ZFHX3: variants seen among roughly 807,000 people sequenced by gnomAD.
ZFHX3 encodes zinc finger homeobox protein 3.
Under a neutral mutation model 279.1 loss-of-function variants are expected in ZFHX3, and 42 were observed. That is an observed-to-expected ratio of 0.15 (90% CI 0.12 to 0.19). ZFHX3 has a LOEUF of 0.19. Ranked by LOEUF, ZFHX3 falls within the 10% of genes least tolerant of loss-of-function variation. The pLI is 1.00. For synonymous variants in ZFHX3, 2,293 were observed against 1,957.8 expected, an observed-to-expected ratio of 1.17 and a Z score of -4.52; for missense variants, 4,981 against 4,754.0, an observed-to-expected ratio of 1.05 and a Z score of -1.40.
chr16:73,768,905 C>G (rs2053985004), intron 1 of ZFHX3, among the ~76,000 whole-genome samples: 1 of 152,118 alleles, frequency 6.6e-6, no homozygotes, highest in South Asian at 2.1e-4. Flanking sequence ...AGAGTGAACC[C>G]ACATACCAGA....
At chr16:73,728,281 G>T (rs763455740) in intron 1 of ZFHX3, among the ~76,000 whole-genome samples, 1 of 152,108 alleles carries the variant, frequency 6.6e-6, no homozygotes, top group East Asian at 1.9e-4. Flanking sequence ...GCAAGCCAAG[G>T]AGAGGCCTCA....
intron 1 of ZFHX3, among the ~76,000 whole-genome samples, chr16:73,690,989 A>C (rs1419903955): frequency 6.6e-6 from 1 of 152,194 alleles, no homozygotes; most frequent in Non-Finnish European, 1.5e-5. Flanking sequence ...ACACAGACCA[A>C]TTTTTCCACC....
intron 4 of ZFHX3, among the ~76,000 whole-genome samples, chr16:73,263,694 A>G (rs1435883277): frequency 6.6e-5 from 10 of 152,238 alleles, no homozygotes; most frequent in Admixed American, 6.5e-4. Context: ...TACAGGACCC[A>G]GAGAGCTGCT....
intron 1 of ZFHX3, 99 bp from the exon 2 acceptor site, chr16:72,960,293 G>T: frequency 1.0e-6 from 1 of 986,216 alleles, no homozygotes; most frequent in Non-Finnish European, 1.4e-6. Context: ...ACCGCACGGA[G>T]CGCTCTAAGA....
At chr16:73,247,219 T>A (rs576896909) in intron 5 of ZFHX3, among the ~76,000 whole-genome samples, 2 of 152,000 alleles carry the variant, frequency 1.3e-5, no homozygotes, top group South Asian at 4.2e-4. Context: ...GTGTATAAAA[T>A]GTGTCTGTGT....
chr16:73,043,388 G>A (rs1325733610), intron 1 of ZFHX3, among the ~76,000 whole-genome samples: 1 of 152,166 alleles, frequency 6.6e-6, no homozygotes, highest in African/African-American at 2.4e-5. Context: ...CAAAACAGAA[G>A]TCTTGCTTCA....
At chr16:73,809,449 G>A (rs754926572) in intron 1 of ZFHX3, 1 of 152,230 alleles carries the variant, frequency 6.6e-6, no homozygotes, top group South Asian at 2.1e-4. Flanking sequence ...ACCTAGGTTA[G>A]AGCAGGTGGC....
chr16:73,293,639 T>C (rs2014829131), intron 4 of ZFHX3, among the ~76,000 whole-genome samples: 1 of 152,206 alleles, frequency 6.6e-6, no homozygotes, highest in South Asian at 2.1e-4. Flanking sequence ...GCACAGTCAC[T>C]TCAAAGAGAC....
intron 1 of ZFHX3, among the ~76,000 whole-genome samples, chr16:73,787,814 AGTGTGTGTGTGTGT>A (rs72236616): frequency 2.9e-4 from 40 of 138,072 alleles, no homozygotes; most frequent in African/African-American, 8.9e-4. Context: ...GTTTTCTTAA[AGTGTGTGTGTGTGT>A]GTGTGTGTGT....
intron 4 of ZFHX3, among the ~76,000 whole-genome samples, chr16:73,311,893 G>C (rs1192288053): frequency 6.6e-6 from 1 of 152,172 alleles, no homozygotes; most frequent in Non-Finnish European, 1.5e-5. Flanking sequence ...TATGTAAAAA[G>C]GGTGTGAGTC....
chr16:72,798,753 G>A (rs373684571), intron 8 of ZFHX3, 39 bp from the exon 9 acceptor site: 1 of 1,509,482 alleles, frequency 6.6e-7, no homozygotes, highest in East Asian at 2.3e-5. Flanking sequence ...CAAAGATAAA[G>A]AAGGCTTTGT....
intron 1 of ZFHX3, among the ~76,000 whole-genome samples, chr16:73,685,418 G>A (rs1283620499): frequency 2.0e-5 from 3 of 152,202 alleles, no homozygotes; most frequent in Non-Finnish European, 2.9e-5. Context: ...GAAGACTGAA[G>A]CAGGCCATGA....
At chr16:73,881,060 C>T (rs1397050131) in intron 1 of ZFHX3, among the ~76,000 whole-genome samples, 1 of 152,060 alleles carries the variant, frequency 6.6e-6, no homozygotes, top group African/African-American at 2.4e-5. Context: ...ATATGCAGTC[C>T]CTGGTAGCAC....
rs1961494141 is a variant in ZFHX3 at position 72,959,986 on chromosome 16, T to C, written c.160A>G (p.Arg54Gly). The C allele has an allele frequency of 1.2e-6, 2 of 1,613,130 alleles. No individual in the cohort carries two copies. The highest frequency in any genetic ancestry group is 1.7e-6 in the Non-Finnish European group (2 of 1,179,534). ...GCGAGGCGCTCATTGAAGGGGGCCC[T>C]CAGGCTGTCCAAGGGCCCGTGGCTC... ...GESHGPLDSL[R>G]APFNERLAES... Residue 54 changes from arginine to glycine, a missense_variant, in exon 2 of 10, where the codon AGG becomes GGG. Physicochemically the swap from Arg to Gly is moderately radical, Grantham distance 125. This residue lies in a region of ZFHX3 where 1,068 missense variants were observed against 935.2 expected (regional missense o/e 1.14). Transcript: ENST00000268489.
At chr16:73,478,306 GCC>G (rs1567495921) in intron 2 of ZFHX3, among the ~76,000 whole-genome samples, 2 of 145,746 alleles carry the variant, frequency 1.4e-5, no homozygotes, top group African/African-American at 5.1e-5. Context: ...GGTACTAAAA[GCC>G]ATATGACATG....
intron 2 of ZFHX3, among the ~76,000 whole-genome samples, chr16:73,491,586 G>A (rs1164663632): frequency 6.6e-6 from 1 of 152,138 alleles, no homozygotes; most frequent in Admixed American, 6.5e-5. Context: ...TGTTTACATG[G>A]GTAGCACTGA....
intron 5 of ZFHX3, among the ~76,000 whole-genome samples, chr16:73,234,984 G>A (rs1022007650): frequency 6.6e-6 from 1 of 152,226 alleles, no homozygotes; most frequent in Admixed American, 6.5e-5. Context: ...CCATCCTAAA[G>A]CAGACAATGC....
chr16:73,724,219 A>AG (rs1214644127), intron 1 of ZFHX3, among the ~76,000 whole-genome samples: 1 of 152,218 alleles, frequency 6.6e-6, no homozygotes, highest in East Asian at 1.9e-4. Flanking sequence ...ACCAAATAAA[A>AG]GGCTGACAAC....
intron 1 of ZFHX3, among the ~76,000 whole-genome samples, chr16:72,993,267 C>T (rs181440103): frequency 7.9e-5 from 12 of 152,370 alleles, no homozygotes; most frequent in Non-Finnish European, 1.5e-5. Context: ...CACCCAAGCA[C>T]CCTGTATGGC....
Sources: gnomAD v4.1 joint callset for allele counts (sites outside exome capture counted in the v4.1 genomes callset) on GRCh38, gnomAD v4.1.1 for gene constraint, gnomAD v4.1.1 regional missense constraint, MANE v1.5 for transcripts, NCBI Gene and HGNC (gene_info 2026-07-23, HGNC 2026-07-21) for gene names.